F13A1: variants seen among roughly 807,000 people sequenced by gnomAD.
F13A1 encodes the protein coagulation factor XIII A chain.
Under a neutral mutation model 80.1 loss-of-function variants are expected in F13A1, and 47 were observed. The ratio of observed to expected loss-of-function variants is 0.59; its 90% CI spans 0.46 to 0.75. The LOEUF is 0.75. Ranked by LOEUF, F13A1 falls within the 30% of genes least tolerant of loss-of-function variation. F13A1 has a pLI of 0.00. For synonymous variants in F13A1, 349 were observed against 344.9 expected (o/e 1.01, Z -0.13); for missense variants, 817 against 930.4 (o/e 0.88, Z 1.59).
intron 2 of F13A1, among the ~76,000 whole-genome samples, chr6:6,317,782 A>G (rs981430519): frequency 6.6e-6 from 1 of 152,142 alleles, no homozygotes; most frequent in African/African-American, 2.4e-5. Context: ...CATGAATGTT[A>G]TTGACAAAAA....
At position 6,297,355 on chromosome 6, in the gene F13A1, T is replaced by C. The variant is rs553511759; in HGVS notation, c.319+7996A>G. Among the ~76,000 whole-genome samples the C allele has an allele frequency of 2.0e-4, 30 of 151,502 alleles. No individual in the cohort carries two copies. In the East Asian group the frequency reaches 3.5e-3, roughly 18 times the overall value. On this transcript the variant is annotated intron_variant, in intron 3 of 14. Transcript: ENST00000264870. Reference sequence around the variant, plus strand: ...TCCTCCTTGTACCTCTGGTAGAATTTGGCTGTGAATCCATCTGGTCCTGGA... The same window carrying C: ...TCCTCCTTGTACCTCTGGTAGAATTCGGCTGTGAATCCATCTGGTCCTGGA...
intron 14 of F13A1, among the ~76,000 whole-genome samples, chr6:6,147,656 G>A (rs578174167): frequency 6.6e-6 from 1 of 152,280 alleles, no homozygotes; most frequent in Admixed American, 6.5e-5. Context: ...CCCGACCTGA[G>A]ACCATGTACT....
At chr6:6,311,005 C>T (rs982685682) in intron 2 of F13A1, among the ~76,000 whole-genome samples, 1 of 151,382 alleles carries the variant, frequency 6.6e-6, no homozygotes, top group Non-Finnish European at 1.5e-5. Context: ...AAATAGAAAG[C>T]ATTTCTCCTC....
intron 8 of F13A1, among the ~76,000 whole-genome samples, chr6:6,221,690 C>T (rs1757196837): frequency 6.6e-6 from 1 of 152,110 alleles, no homozygotes; most frequent in Non-Finnish European, 1.5e-5. Flanking sequence ...GGCACTGACC[C>T]AGAGAACGCT....
At chr6:6,292,252 C>T (rs1226243347) in intron 3 of F13A1, among the ~76,000 whole-genome samples, 1 of 152,196 alleles carries the variant, frequency 6.6e-6, no homozygotes, top group Non-Finnish European at 1.5e-5. Flanking sequence ...TTTCCACACT[C>T]GATTTTTTCC....
chr6:6,278,412 A>G (rs145490741), intron 3 of F13A1, among the ~76,000 whole-genome samples: 11 of 152,276 alleles, frequency 7.2e-5, no homozygotes, highest in African/African-American at 2.4e-4. Context: ...AGCAGTGCAA[A>G]TATCAGGGGA....
At chr6:6,150,866 C>A (rs1055024973) in intron 14 of F13A1, among the ~76,000 whole-genome samples, 1 of 151,756 alleles carries the variant, frequency 6.6e-6, no homozygotes, top group Non-Finnish European at 1.5e-5. Flanking sequence ...AGAGAGAGAG[C>A]TGAAACCATG....
chr6:6,146,572 T>C (rs781540030), intron 14 of F13A1, among the ~76,000 whole-genome samples: 21 of 152,194 alleles, frequency 1.4e-4, no homozygotes, highest in Non-Finnish European at 2.5e-4. Flanking sequence ...GTGCTTCACA[T>C]ATAGCCTCCC....
At chr6:6,187,591 A>T (rs1761101868) in intron 10 of F13A1, among the ~76,000 whole-genome samples, 2 of 117,314 alleles carry the variant, frequency 1.7e-5, no homozygotes, top group Admixed American at 9.3e-5. Context: ...CATGGTGAAT[A>T]AGCTTTTTGA....
chr6:6,318,354 G>A (rs997974658), intron 2 of F13A1, among the ~76,000 whole-genome samples, 181 bp downstream of exon 2: 2 of 152,130 alleles, frequency 1.3e-5, no homozygotes, highest in Admixed American at 6.5e-5. Flanking sequence ...CTGGGTCTTC[G>A]GTGCTTTCAC....
chr6:6,172,378 T>C (rs1468781784), intron 12 of F13A1, among the ~76,000 whole-genome samples: 1 of 152,034 alleles, frequency 6.6e-6, no homozygotes, highest in African/African-American at 2.4e-5. Context: ...TTCTTTTCCA[T>C]GAAAATTACC....
intron 12 of F13A1, among the ~76,000 whole-genome samples, chr6:6,171,031 T>C (rs948493134): frequency 6.6e-6 from 1 of 152,140 alleles, no homozygotes; most frequent in Non-Finnish European, 1.5e-5. Context: ...GGTCGATGAC[T>C]GAGAGAATGA....
chr6:6,287,492 G>C (rs1207850377), intron 3 of F13A1, among the ~76,000 whole-genome samples: 1 of 151,598 alleles, frequency 6.6e-6, no homozygotes, highest in Admixed American at 6.6e-5. Context: ...ATAGGAAAGA[G>C]GGGAGAAAGC....
intron 13 of F13A1, among the ~76,000 whole-genome samples, chr6:6,153,158 A>G (rs999566799): frequency 3.9e-5 from 6 of 152,362 alleles, no homozygotes; most frequent in Non-Finnish European, 7.3e-5. Flanking sequence ...AATGGAATTT[A>G]CTGGATGTCT....
intron 3 of F13A1, among the ~76,000 whole-genome samples, chr6:6,268,668 G>A (rs558955368): frequency 4.9e-4 from 74 of 151,316 alleles, no homozygotes; most frequent in African/African-American, 1.7e-3. Context: ...CACAGTAGGG[G>A]CTGGCTGAGG....
At position 6,266,612 on chromosome 6, in the gene F13A1, T is replaced by C. The variant is rs142994919; in HGVS notation, c.517A>G (p.Thr173Ala). Residue 173 changes from threonine to alanine, a missense_variant, in exon 4 of 15, where the codon ACC becomes GCC. Physicochemically the swap from Thr to Ala is moderately conservative, Grantham distance 58. Coordinates refer to ENST00000264870, the MANE Select transcript of F13A1 (RefSeq NM_000129.4). ...GTGTCTGTTTCTGGGTTTCGACTGGTTCGAAGTACGCCATAGGGAGTCCAG... is the reference window on the plus strand; with the variant it reads ...GTGTCTGTTTCTGGGTTTCGACTGGCTCGAAGTACGCCATAGGGAGTCCAG... ...AVWTPYGVLRTSRNPETDTYI... is the reference protein window; with the variant it reads ...AVWTPYGVLRASRNPETDTYI... 11 of 1,614,228 alleles carry C rather than the reference T, an allele frequency of 6.8e-6. No homozygotes were observed. In the African/African-American group the frequency reaches 1.3e-4, roughly 20 times the overall value.
intron 6 of F13A1, among the ~76,000 whole-genome samples, chr6:6,244,674 G>T (rs1371079630): frequency 6.6e-6 from 1 of 152,158 alleles, no homozygotes; most frequent in Non-Finnish European, 1.5e-5. Context: ...CTATTTTGAA[G>T]AATAAAAGAG....
intron 5 of F13A1, among the ~76,000 whole-genome samples, chr6:6,249,647 C>T (rs935653880): frequency 7.2e-5 from 11 of 152,156 alleles, no homozygotes; most frequent in Admixed American, 7.2e-4. Flanking sequence ...ATGACTTTTC[C>T]CCTTGTTAGC....
Position 6,174,642 on chromosome 6 carries a change from G to T in F13A1, c.1685C>A (p.Thr562Asn). Residue 562 changes from threonine to asparagine, a missense_variant, in exon 12 of 15, where the codon ACC (threonine) becomes AAC (asparagine). Physicochemically the swap from Thr to Asn is moderately conservative, Grantham distance 65. Transcript: ENST00000264870. Reference protein sequence around the residue: ...AYLSANITFYTGVPKAEFKKE... With the variant: ...AYLSANITFYNGVPKAEFKKE... ...CTTGAATTCTGCCTTCGGGACCCCG[G>T]TGTAGAAGGTGATGTTGGCTGAGAG... The T allele has an allele frequency of 6.2e-7, 1 of 1,614,182 alleles. No individual in the cohort carries two copies. Among genetic ancestry groups the T allele is most frequent in the Non-Finnish European group, 8.5e-7 (1 of 1,180,022 alleles).
Sources: gnomAD v4.1 joint callset for allele counts (sites outside exome capture counted in the v4.1 genomes callset) on GRCh38, gnomAD v4.1.1 for gene constraint, MANE v1.5 for transcripts, NCBI Gene and HGNC (gene_info 2026-07-23, HGNC 2026-07-21) for gene names.